Variants in NDUFS1 observed in about 807,000 individuals in gnomAD.
NDUFS1 encodes NADH-ubiquinone oxidoreductase 75 kDa subunit, mitochondrial.
A neutral mutation model predicts 84.4 loss-of-function variants in NDUFS1; 61 were observed. The observed-to-expected ratio is 0.72, with a 90% CI of 0.59 to 0.89. The LOEUF (loss-of-function observed/expected upper bound fraction) is 0.89, where lower values mean the gene tolerates loss of function less well. NDUFS1 is among the 40% of genes least tolerant of loss of function. NDUFS1 has a pLI of 0.00. For synonymous variants in NDUFS1, 275 were observed against 290.0 expected, an observed-to-expected ratio of 0.95 and a Z score of 0.53; for missense variants, 891 against 890.0, an observed-to-expected ratio of 1.00 and a Z score of -0.01.
At chr2:206,148,606 T>C (rs4147714) in intron 5 of NDUFS1, among the ~76,000 whole-genome samples, 51,992 of 151,992 alleles carry the variant, frequency 0.34, 9,310 homozygotes, top group African/African-American at 0.44. Flanking sequence ...CTGGACAACA[T>C]AGTGAGACCT....
chr2:206,154,011 CA>C (rs537794931), intron 1 of NDUFS1, among the ~76,000 whole-genome samples: 13 of 152,220 alleles, frequency 8.5e-5, no homozygotes, highest in Non-Finnish European at 1.5e-4. Context: ...GCAAGACTAA[CA>C]GTGAGCTTAT....
At chr2:206,158,107 C>T (rs1367576618) in intron 1 of NDUFS1, among the ~76,000 whole-genome samples, 1 of 151,378 alleles carries the variant, frequency 6.6e-6, no homozygotes, top group Admixed American at 6.6e-5. Context: ...GGACTACAGG[C>T]GCCCGCCACC....
intron 16 of NDUFS1, chr2:206,127,541 A>G (rs1691340623): frequency 2.6e-6 from 1 of 390,922 alleles, no homozygotes; most frequent in Non-Finnish European, 4.6e-6. Context: ...ATAAAATAAA[A>G]GCACCAATTT....
At position 206,117,453 on chromosome 2, in the gene NDUFS1, G is replaced by C. The variant is rs1321471000; in HGVS notation, c.*6732C>G. On this transcript the variant is annotated 3_prime_UTR_variant, in exon 19 of 19. Transcript: ENST00000233190. ...GCAAAAAAATTTTGTTTTTCTTTTT[G>C]AGATGGGGTCTCGCTTTGTCGCCCA... The C allele has an allele frequency of 6.6e-6, 1 of 152,142 alleles. No individual in the cohort carries two copies. The highest frequency in any genetic ancestry group is 6.5e-5 in the Admixed American group (1 of 15,276). 9.4% of individuals were successfully genotyped at this position (152,142 alleles called of 1,614,324 possible). A position where few individuals can be genotyped will look rare whatever the true frequency, so the allele number is the denominator to read the frequency against.
In NDUFS1 at chr2:206,120,295, T is replaced by C. The variant is rs577633223; in HGVS notation, c.*3890A>G. 8.5e-5 allele frequency: 13 copies of C among 152,264 alleles called. No homozygotes were observed. The highest frequency in any genetic ancestry group is 4.1e-4 in the South Asian group (2 of 4,832). 9.4% of individuals were successfully genotyped at this position (152,264 alleles called of 1,614,324 possible). A position where few individuals can be genotyped will look rare whatever the true frequency, so the allele number is the denominator to read the frequency against. On this transcript the variant is annotated 3_prime_UTR_variant, in exon 19 of 19. Transcript: ENST00000233190. ...TGACAGTGGGGCACTGCTATACATA[T>C]TGGAAAATGTAGAAACAGCTTTGGA...
chr2:206,142,166 C>G (rs1691988533), intron 11 of NDUFS1, 97 bp from the exon 12 acceptor site: 3 of 1,053,874 alleles, frequency 2.8e-6, no homozygotes, highest in Admixed American at 2.4e-5. Flanking sequence ...ATTGCCTTCT[C>G]AAACAAAAAA....
chr2:206,140,576 G>T (rs1691898403), intron 12 of NDUFS1, among the ~76,000 whole-genome samples: 1 of 152,060 alleles, frequency 6.6e-6, no homozygotes, highest in East Asian at 1.9e-4. Context: ...CGCTTCCCAG[G>T]TTCAAGCGAT....
intron 13 of NDUFS1, among the ~76,000 whole-genome samples, chr2:206,134,207 AAC>A (rs1206501072): frequency 2.0e-5 from 3 of 152,212 alleles, no homozygotes; most frequent in Non-Finnish European, 4.4e-5. Flanking sequence ...AATGAAAAAT[AAC>A]ACACTCTTTC....
At chr2:206,158,985 G>A in intron 1 of NDUFS1, 1 of 1,171,880 alleles carries the variant, frequency 8.5e-7, no homozygotes, top group Non-Finnish European at 1.2e-6. Context: ...TTAGTCTTAA[G>A]GCCTAAGTCA....
chr2:206,134,023 C>T (rs1165666648), intron 13 of NDUFS1, among the ~76,000 whole-genome samples: 2 of 152,160 alleles, frequency 1.3e-5, no homozygotes, highest in Non-Finnish European at 2.9e-5. Flanking sequence ...GAATACACGT[C>T]TCATTCTCCC....
chr2:206,147,400 T>C, intron 7 of NDUFS1, 131 bp downstream of exon 7: 1 of 869,370 alleles, frequency 1.2e-6, no homozygotes, highest in Non-Finnish European at 1.7e-6. Flanking sequence ...TTTATTCATA[T>C]ATCAGAAACA....
intron 15 of NDUFS1, 119 bp downstream of exon 15, chr2:206,129,969 T>G: frequency 8.9e-7 from 1 of 1,122,120 alleles, no homozygotes; most frequent in Non-Finnish European, 1.3e-6. Flanking sequence ...GGAGGAGGAG[T>G]GGGGGAGGCA....
intron 5 of NDUFS1, 55 bp from the exon 6 acceptor site, chr2:206,147,889 T>C: frequency 1.4e-6 from 2 of 1,466,474 alleles, no homozygotes; most frequent in East Asian, 4.5e-5. Flanking sequence ...ACACTGACAT[T>C]AACTGCTGGC....
rs771317899 is a variant in NDUFS1 at position 206,147,680 on chromosome 2, G to A, written c.421-19C>T. The A allele has an allele frequency of 6.8e-6, 11 of 1,613,972 alleles. No homozygotes were observed. The highest frequency in any genetic ancestry group is 1.3e-5 in the African/African-American group (1 of 74,986). The stretch of plus-strand genomic sequence containing the variant: ...ACTGGTCCTTAAGTAGATTATGAAA[G>A]AGTCAATCTCATGCTGCTAATAAAA... On this transcript the variant is annotated intron_variant, in intron 6 of 18. Transcript: ENST00000233190.
intron 14 of NDUFS1, 135 bp from the exon 15 acceptor site, chr2:206,130,377 TAG>T (rs1028666681): frequency 6.2e-6 from 7 of 1,124,196 alleles, no homozygotes; most frequent in South Asian, 1.5e-5. Flanking sequence ...TTCTCGGCGA[TAG>T]AGTCTCACTT....
chr2:206,126,641 T>C (rs985389260), intron 17 of NDUFS1, 30 bp from the exon 18 acceptor site: 22 of 1,613,918 alleles, frequency 1.4e-5, no homozygotes, highest in Admixed American at 3.3e-5. Context: ...TCAACAATAA[T>C]ATGGAAAACT....
intron 5 of NDUFS1, 92 bp downstream of exon 5, chr2:206,148,928 A>G: frequency 1.1e-6 from 1 of 939,426 alleles, no homozygotes; most frequent in South Asian, 1.3e-5. Context: ...CGAGTTTGAT[A>G]TTAAATTCTT....
intron 12 of NDUFS1, among the ~76,000 whole-genome samples, chr2:206,141,047 T>C (rs1691927347): frequency 6.6e-6 from 1 of 151,832 alleles, no homozygotes. Context: ...TTCAAGCATC[T>C]TGAATTATTT....
At chr2:206,142,276 G>T (rs1691992519) in intron 11 of NDUFS1, among the ~76,000 whole-genome samples, 1 of 152,110 alleles carries the variant, frequency 6.6e-6, no homozygotes, top group South Asian at 2.1e-4. Context: ...GCAGTGGCGT[G>T]ATCCTGGCTC....
Sources: allele counts gnomAD v4.1 joint callset (sites outside exome capture counted in the v4.1 genomes callset), GRCh38; gene constraint gnomAD v4.1.1; transcripts MANE v1.5; gene names NCBI Gene and HGNC (gene_info 2026-07-23, HGNC 2026-07-21).